RCN3: variants seen among roughly 807,000 people sequenced by gnomAD.
RCN3 encodes the protein reticulocalbin 3, also known as reticulocalbin-3.
Under a neutral mutation model 35.9 loss-of-function variants are expected in RCN3, and 41 were observed. The observed-to-expected ratio is 1.14, with a 90% confidence interval of 0.89 to 1.48. The LOEUF is 1.48. Among genes scored for constraint, RCN3 ranks in the 40% most tolerant of loss-of-function variants. The pLI is 0.00. For synonymous variants in RCN3, 187 were observed against 193.4 expected (o/e 0.97, Z 0.27); for missense variants, 451 against 471.3 (o/e 0.96, Z 0.40).
At chr19:49,542,892 AAG>A in intron 6 of RCN3, 140 bp downstream of exon 6, 2 of 942,466 alleles carry the variant, frequency 2.1e-6, no homozygotes, top group Non-Finnish European at 3.1e-6. Flanking sequence ...GAGGGAGGAA[AAG>A]AGAGGGCACG....
At chr19:49,528,363 A>C in intron 1 of RCN3, 104 bp from the exon 2 acceptor site, 1 of 1,144,154 alleles carries the variant, frequency 8.7e-7, no homozygotes, top group Non-Finnish European at 1.2e-6. Flanking sequence ...CCAACTTCCA[A>C]CTCCCTGTCC....
chr19:49,528,262 G>C lies in RCN3; in HGVS notation c.-7+204G>C, dbSNP rs1016854448. 3.1e-5 allele frequency: 15 copies of C among 489,052 alleles called. No individual in the cohort carries two copies. In the Admixed American group the frequency reaches 4.8e-4, roughly 16 times the overall value. The allele number at this position is 489,052 out of a possible 1,614,324, so 30.3% of individuals were successfully genotyped here. ...GGACCCCCCTGAGACTCCGTCAGAA[G>C]ATTCGGTCCTCCCCATAGGTGGCTT... On this transcript the variant is annotated intron_variant, in intron 1 of 6. Transcript: ENST00000270645.
intron 3 of RCN3, among the ~76,000 whole-genome samples, chr19:49,536,445 C>T (rs1404112554): frequency 2.0e-5 from 3 of 150,934 alleles, no homozygotes; most frequent in East Asian, 1.9e-4. Flanking sequence ...GGACTACAGG[C>T]GCCCACCACC....
At chr19:49,540,570 T>C (rs111652750) in intron 5 of RCN3, among the ~76,000 whole-genome samples, 15,467 of 151,082 alleles carry the variant, frequency 0.1, 1,037 homozygotes, top group African/African-American at 0.18. Flanking sequence ...CAGTGAGCTG[T>C]AATCGCGCCA....
At position 49,528,535 on chromosome 19, in the gene RCN3, G is replaced by C; in HGVS notation, c.63G>C (p.Lys21Asn). ...TACTGAGGCACGGGGCCCAGGGGAA[G>C]CCATCCCCAGACGCAGGCCCTCATG... is the stretch of plus-strand genomic sequence containing the variant. ...LLLLRHGAQG[K>N]PSPDAGPHGQ... Residue 21 changes from lysine (K) to asparagine (N), a missense_variant, in exon 2 of 7, where the codon AAG (lysine) becomes AAC (asparagine). Transcript: ENST00000270645. 6.4e-7 allele frequency: 1 copy of C among 1,570,844 alleles called. No individual in the cohort carries two copies. Among genetic ancestry groups the C allele is most frequent in the Non-Finnish European group, 8.6e-7 (1 of 1,160,026 alleles).
intron 5 of RCN3, among the ~76,000 whole-genome samples, chr19:49,540,684 T>G (rs1360949621): frequency 6.6e-6 from 1 of 150,686 alleles, no homozygotes; most frequent in Non-Finnish European, 1.5e-5. Flanking sequence ...TGGGGTGATC[T>G]TGGCTCACTG....
Position 49,542,739 on chromosome 19 carries a change from G to A in RCN3, c.866G>A (p.Ser289Asn), listed in dbSNP as rs1486907189. 6.3e-7 allele frequency: 1 copy of A among 1,588,970 alleles called. No homozygotes were observed. Among genetic ancestry groups the A allele is most frequent in the Non-Finnish European group, 8.6e-7 (1 of 1,169,182 alleles). ...GAAGCCAACCACCTGCTGCACGAGA[G>A]CGACACGGACAAGGTGCAGTGACGG... Reference protein sequence around the residue: ...LVEANHLLHESDTDKDGRLSK... With the variant: ...LVEANHLLHENDTDKDGRLSK... Residue 289 changes from serine to asparagine, a missense_variant, in exon 6 of 7, where the codon AGC (serine) becomes AAC (asparagine). Ser to Asn is a conservative substitution (Grantham distance 46). Coordinates refer to ENST00000270645, the MANE Select transcript of RCN3 (RefSeq NM_020650.3).
At position 49,542,770 on chromosome 19, in the gene RCN3, C is replaced by G; in HGVS notation, c.879+18C>G. 1 of 1,563,668 alleles carries G rather than the reference C, an allele frequency of 6.4e-7. No individual in the cohort carries two copies. Among genetic ancestry groups the G allele is most frequent in the East Asian group, 2.3e-5 (1 of 43,256 alleles). On this transcript the variant is annotated intron_variant, in intron 6 of 6. Transcript: ENST00000270645. ...CGGACAAGGTGCAGTGACGGGGCCT[C>G]GGCAGGAGCGAGGAGCGGGTGGGCA...
intron 2 of RCN3, among the ~76,000 whole-genome samples, chr19:49,530,644 G>T (rs918508043): frequency 3.3e-5 from 5 of 151,740 alleles, no homozygotes; most frequent in African/African-American, 1.2e-4. Flanking sequence ...TTACAGGCAT[G>T]CACCACCATG....
At chr19:49,532,093 G>A (rs1306324837) in intron 2 of RCN3, among the ~76,000 whole-genome samples, 1 of 141,062 alleles carries the variant, frequency 7.1e-6, no homozygotes, top group South Asian at 2.2e-4. Flanking sequence ...GAGCCATGGC[G>A]CCTGGCCTTT....
At chr19:49,542,016 C>T (rs1238007786) in intron 5 of RCN3, among the ~76,000 whole-genome samples, 2 of 151,122 alleles carry the variant, frequency 1.3e-5, no homozygotes, top group Non-Finnish European at 2.9e-5. Context: ...GCCCTGTTGC[C>T]CAGGCTGGAG....
At chr19:49,539,776 G>T (rs930569671) in intron 5 of RCN3, among the ~76,000 whole-genome samples, 3 of 148,508 alleles carry the variant, frequency 2.0e-5, no homozygotes, top group Non-Finnish European at 4.4e-5. Context: ...AGGCTGGAGC[G>T]CGGTGGCGTG....
At chr19:49,537,591 C>CT (rs2080142713) in intron 4 of RCN3, among the ~76,000 whole-genome samples, 1 of 152,006 alleles carries the variant, frequency 6.6e-6, no homozygotes, top group Admixed American at 6.6e-5. Context: ...ACTGCAACCT[C>CT]CGCCTCCCGG....
chr19:49,535,254 T>C (rs2080128663), intron 3 of RCN3, among the ~76,000 whole-genome samples: 1 of 152,056 alleles, frequency 6.6e-6, no homozygotes, highest in African/African-American at 2.4e-5. Context: ...CCCATATTGT[T>C]CCCTCCAGTT....
chr19:49,528,454 T>C lies in RCN3; in HGVS notation c.-6-13T>C. 2 of 1,479,274 alleles carry C rather than the reference T, an allele frequency of 1.4e-6. No homozygotes were observed. The highest frequency in any genetic ancestry group is 1.8e-4 in the Middle Eastern group (1 of 5,482). 91.6% of individuals were successfully genotyped at this position (1,479,274 alleles called of 1,614,324 possible). ...CCTGTGACCCCTGACCCCTGGCCTT[T>C]GCCACTCCCCAGGGACCGATGATGT... is the stretch of plus-strand genomic sequence containing the variant. On this transcript the variant is annotated splice_polypyrimidine_tract_variant and intron_variant, in intron 1 of 6. Transcript: ENST00000270645.
chr19:49,542,999 G>A, intron 6 of RCN3, 107 bp from the exon 7 acceptor site: 1 of 955,108 alleles, frequency 1.0e-6, no homozygotes. Context: ...AAGGGACAGA[G>A]GCCCAGAGAA....
chr19:49,538,484 A>G (rs2122734587), intron 4 of RCN3, among the ~76,000 whole-genome samples: 1 of 151,610 alleles, frequency 6.6e-6, no homozygotes, highest in East Asian at 1.9e-4. Context: ...GCTAATTTTT[A>G]AATTTTGTGT....
chr19:49,528,313 T>C, intron 1 of RCN3, 154 bp from the exon 2 acceptor site: 1 of 652,536 alleles, frequency 1.5e-6, no homozygotes, highest in South Asian at 3.4e-5. Flanking sequence ...CGCCCTCTTT[T>C]CCCCCATCGC....
chr19:49,534,433 G>C (rs930314995), intron 3 of RCN3, 38 bp downstream of exon 3: 3 of 1,529,160 alleles, frequency 2.0e-6, no homozygotes, highest in Non-Finnish European at 2.6e-6. Flanking sequence ...CCCATACACC[G>C]TGACCCTGAC....
Sources: gnomAD v4.1 joint callset for allele counts (sites outside exome capture counted in the v4.1 genomes callset) on GRCh38, gnomAD v4.1.1 for gene constraint, MANE v1.5 for transcripts, NCBI Gene and HGNC (gene_info 2026-07-23, HGNC 2026-07-21) for gene names.